UGT2B17: variants seen among roughly 807,000 people sequenced by gnomAD.
The protein encoded by UGT2B17 is UDP glucuronosyltransferase family 2 member B17.
UGT2B17 carries 21 observed loss-of-function variants against 48.2 expected under a neutral mutation model. The observed-to-expected ratio is 0.44, with a 90% confidence interval of 0.31 to 0.63. The LOEUF is 0.63. Among genes scored for constraint, UGT2B17 ranks in the 20% least tolerant of loss-of-function variants. The probability of loss-of-function intolerance (pLI) is 0.08; values close to 1 mark genes in which losing one functional copy is unlikely to be tolerated. For synonymous variants in UGT2B17, 146 were observed against 238.4 expected (o/e 0.61, Z 3.57); for missense variants, 402 against 696.1 (o/e 0.58, Z 4.75).
chr4:68,549,460 G>T (rs1431981441), intron 6 of UGT2B17, among the ~76,000 whole-genome samples: 1 of 124,476 alleles, frequency 8.0e-6, no homozygotes, highest in Non-Finnish European at 1.7e-5. Context: ...CCATAATAAG[G>T]TAAATAGAAA....
chr4:68,554,390 C>A (rs1464034400), intron 4 of UGT2B17, among the ~76,000 whole-genome samples: 2 of 125,530 alleles, frequency 1.6e-5, no homozygotes, highest in African/African-American at 5.4e-5. Context: ...CATTAAGAGC[C>A]CTAAGGTTGT....
rs1254805013 is a variant in UGT2B17, at chr4:68,561,871, T to C, written c.874-1203A>G. On this transcript the variant is annotated intron_variant, in intron 3 of 6. Transcript: ENST00000317746. ...TTTCCCGGATATCATATCAAAATTG[T>C]ATACTCATCTTTTTGTTGCTATTGT... Among the ~76,000 whole-genome samples, 2 of 123,110 alleles carry C rather than the reference T, an allele frequency of 1.6e-5. 1 individual carries two copies. The highest frequency in any genetic ancestry group is 3.4e-5 in the Non-Finnish European group (2 of 58,770). 80.8% of individuals were successfully genotyped at this position (123,110 alleles called of 152,430 possible). A position where few individuals can be genotyped will look rare whatever the true frequency, so the allele number is the denominator to read the frequency against.
In UGT2B17 at chr4:68,558,375, C is replaced by T. The variant is rs1449453951; in HGVS notation, c.1005+2162G>A. Among the ~76,000 whole-genome samples the T allele has an allele frequency of 1.6e-5, 2 of 125,284 alleles. 1 individual carries two copies. The highest frequency in any genetic ancestry group is 3.4e-5 in the Non-Finnish European group (2 of 59,040). The allele number at this position is 125,284 out of a possible 152,430, so 82.2% of individuals were successfully genotyped here. ...TTTTTCCTCCCCTTCCACAATTTTT[C>T]CTAATTTGGAGTCACTGTAAACTAA... On this transcript the variant is annotated intron_variant, in intron 4 of 6. Coordinates refer to ENST00000317746, the MANE Select transcript of UGT2B17 (RefSeq NM_001077.4).
intron 2 of UGT2B17, among the ~76,000 whole-genome samples, chr4:68,567,219 G>A (rs1359794723): frequency 8.0e-6 from 1 of 124,796 alleles, no homozygotes; most frequent in Non-Finnish European, 1.7e-5. Context: ...GTTATTGAAG[G>A]AATGTATAAA....
rs1423147362 is a variant in UGT2B17 at position 68,545,705 on chromosome 4, C to A, written c.1313+4972G>T. 2.2e-4 allele frequency among the ~76,000 whole-genome samples: 27 copies of A among 124,728 alleles called. 6 individuals carry two copies. Among genetic ancestry groups the A allele is most frequent in the Admixed American group, 1.2e-3 (14 of 12,126 alleles). 81.8% of individuals were successfully genotyped at this position (124,728 alleles called of 152,430 possible). ...AGACTAATAAAGAAGAAAAGAGAGA[C>A]GAATCAAATAGATGGAATAAAAATG... On this transcript the variant is annotated intron_variant, in intron 6 of 6. Coordinates refer to ENST00000317746, the MANE Select transcript of UGT2B17 (RefSeq NM_001077.4).
chr4:68,568,338 C>T lies in UGT2B17; in HGVS notation c.147G>A (p.Arg49=), dbSNP rs1457876945. 1 of 1,380,582 alleles carries T rather than the reference C, an allele frequency of 7.2e-7. No individual in the cohort carries two copies. The allele number at this position is 1,380,582 out of a possible 1,614,324, so 85.5% of individuals were successfully genotyped here. The change falls in exon 2 of 7, where the codon AGG becomes AGA. Residue 49 remains arginine (R), a synonymous_variant. Coordinates refer to ENST00000317746, the MANE Select transcript of UGT2B17 (RefSeq NM_001077.4). ...ATGTCAACACAATCACCTCATGACC[C>T]CTCTGAACAAGCTCTTCCAGGATTG... The part of the protein sequence containing the change: ...MKTILEELVQ[R]GHEVIVLTSS...
intron 3 of UGT2B17, 28 bp downstream of exon 3, chr4:68,565,544 C>A: frequency 7.4e-7 from 1 of 1,343,248 alleles, no homozygotes; most frequent in Admixed American, 2.2e-5. Flanking sequence ...AAATGTCAAG[C>A]AAACAAATGA....
At position 68,569,523 on chromosome 4, in the gene UGT2B17, G is replaced by C. The variant is rs1161289380; in HGVS notation, c.-64-975C>G. ...TGGCACCACAGTGATCCTTTAGGAG[G>C]GTGGCCAGCGGAGCAGGGGGTTCAA... On this transcript the variant is annotated intron_variant, in intron 1 of 6. Transcript: ENST00000317746. 1.6e-5 allele frequency among the ~76,000 whole-genome samples: 2 copies of C among 125,466 alleles called. 1 individual carries two copies. The highest frequency in any genetic ancestry group is 3.4e-5 in the Non-Finnish European group (2 of 59,340). The allele number at this position is 125,466 out of a possible 152,430, so 82.3% of individuals were successfully genotyped here.
In UGT2B17 at chr4:68,543,584, A is replaced by T. The variant is rs1363212749; in HGVS notation, c.1314-5680T>A. On this transcript the variant is annotated intron_variant, in intron 6 of 6. Coordinates refer to ENST00000317746, the MANE Select transcript of UGT2B17 (RefSeq NM_001077.4). ...AGCAATGGAACAAAGCTGGATGGAG[A>T]ATGACTTTGACGAGTTCAGAGAAGA... is the stretch of plus-strand genomic sequence containing the variant. Among the ~76,000 whole-genome samples the T allele has an allele frequency of 4.8e-5, 6 of 126,022 alleles. 1 individual carries two copies. Among genetic ancestry groups the T allele is most frequent in the Admixed American group, 8.2e-5 (1 of 12,226 alleles). The allele number at this position is 126,022 out of a possible 152,430, so 82.7% of individuals were successfully genotyped here.
At position 68,545,622 on chromosome 4, in the gene UGT2B17, C is replaced by T. The variant is rs567848067; in HGVS notation, c.1313+5055G>A. On this transcript the variant is annotated intron_variant, in intron 6 of 6. Coordinates refer to ENST00000317746, the MANE Select transcript of UGT2B17 (RefSeq NM_001077.4). The stretch of plus-strand genomic sequence containing the variant: ...AGACACAAAAAACTCTTCAAAAAAT[C>T]AATGAATCCAAGAGCTGGTTTTTTG... 3.2e-5 allele frequency among the ~76,000 whole-genome samples: 4 copies of T among 125,258 alleles called. 1 individual carries two copies. The highest frequency in any genetic ancestry group is 2.4e-4 in the Admixed American group (3 of 12,310). 82.2% of individuals were successfully genotyped at this position (125,258 alleles called of 152,430 possible).
rs540731399 is a variant in UGT2B17 at position 68,573,123 on chromosome 4, T to A, written c.-65+2828A>T. Among the ~76,000 whole-genome samples, 84 of 127,718 alleles carry A rather than the reference T, an allele frequency of 6.6e-4. 18 individuals carry two copies. Among genetic ancestry groups the A allele is most frequent in the Middle Eastern group, 3.9e-3 (1 of 256 alleles). The allele number at this position is 127,718 out of a possible 152,430, so 83.8% of individuals were successfully genotyped here. On this transcript the variant is annotated intron_variant, in intron 1 of 6. Coordinates refer to ENST00000317746, the MANE Select transcript of UGT2B17 (RefSeq NM_001077.4). ...CCACAGCATGGGGAGACTTTATGTT[T>A]AGGTTTTTCCTAAGAGTTAGCTTAT...
At position 68,552,838 on chromosome 4, in the gene UGT2B17, G is replaced by GT. The variant is rs1374347420; in HGVS notation, c.1006-928dup. Reference sequence around the variant, plus strand: ...TTTGCTGTACAACTCCTTTTTTTTTGTTTTTTATTTTTTTTTGGAGTTTTA... The same window carrying GT: ...TTTGCTGTACAACTCCTTTTTTTTTGTTTTTTTATTTTTTTTTGGAGTTTTA... On this transcript the variant is annotated intron_variant, in intron 4 of 6. Coordinates refer to ENST00000317746, the MANE Select transcript of UGT2B17 (RefSeq NM_001077.4). 6.5e-5 allele frequency among the ~76,000 whole-genome samples: 8 copies of GT among 123,672 alleles called. 1 individual carries two copies. The highest frequency in any genetic ancestry group is 1.7e-4 in the African/African-American group (6 of 36,252). 81.1% of individuals were successfully genotyped at this position (123,672 alleles called of 152,430 possible).
At chr4:68,552,782 C>T (rs1730939290) in intron 4 of UGT2B17, among the ~76,000 whole-genome samples, 1 of 125,486 alleles carries the variant, frequency 8.0e-6, no homozygotes, top group Non-Finnish European at 1.7e-5. Flanking sequence ...ATCCCTGATA[C>T]CCCAAAATTC....
rs1731034072 is a variant in UGT2B17 at position 68,558,061 on chromosome 4, A to G, written c.1005+2476T>C. ...CTATCTGAGATTCTTTCTATAAGAC[A>G]AAGTTCCATCAAAGCCACTTTAAAA... On this transcript the variant is annotated intron_variant, in intron 4 of 6. Coordinates refer to ENST00000317746, the MANE Select transcript of UGT2B17 (RefSeq NM_001077.4). 1.6e-5 allele frequency among the ~76,000 whole-genome samples: 2 copies of G among 124,286 alleles called. 1 individual carries two copies. Among genetic ancestry groups the G allele is most frequent in the Admixed American group, 1.7e-4 (2 of 11,944 alleles). The allele number at this position is 124,286 out of a possible 152,430, so 81.5% of individuals were successfully genotyped here.
chr4:68,558,689 A>G (rs1731049049), intron 4 of UGT2B17, among the ~76,000 whole-genome samples: 1 of 126,098 alleles, frequency 7.9e-6, no homozygotes, highest in African/African-American at 2.7e-5. Context: ...TTGCCATTAG[A>G]GATCAGATGA....
Position 68,568,308 on chromosome 4 carries a change from C to T in UGT2B17, c.177G>A (p.Ser59=), listed in dbSNP as rs776708507. ...TACTGGCATTGACAAGAATAGAAGC[C>T]GAAGATGTCAACACAATCACCTCAT... ...RGHEVIVLTS[S]ASILVNASKS... The change falls in exon 2 of 7, where the codon TCG becomes TCA. Residue 59 remains serine (S), a synonymous_variant. Transcript: ENST00000317746. The T allele has an allele frequency of 1.5e-5, 20 of 1,377,806 alleles. 5 individuals are homozygous for T. The highest frequency in any genetic ancestry group is 6.5e-5 in the South Asian group (4 of 61,220). The allele number at this position is 1,377,806 out of a possible 1,614,324, so 85.3% of individuals were successfully genotyped here. A position where few individuals can be genotyped will look rare whatever the true frequency, so the allele number is the denominator to read the frequency against.
Position 68,568,243 on chromosome 4 carries a change from A to T in UGT2B17, c.242T>A (p.Leu81Ter). ...AAAATCTTCCAAATCATTTTTAGTT[A>T]AAGATGTAGGATAAACTTCTAATTT... ...AIKLEVYPTS[L>*]TKNDLEDFFM... The change falls in exon 2 of 7, where the codon TTA becomes TAA. Residue 81 changes from leucine (L) to a stop codon, truncating the protein, a stop_gained. Transcript: ENST00000317746. LOFTEE classifies it high-confidence loss of function. 4 of 1,375,280 alleles carry T rather than the reference A, an allele frequency of 2.9e-6. 1 individual carries two copies. Among genetic ancestry groups the T allele is most frequent in the Non-Finnish European group, 3.8e-6 (4 of 1,053,726 alleles). 85.2% of individuals were successfully genotyped at this position (1,375,280 alleles called of 1,614,324 possible).
rs766238186 is a variant in UGT2B17, at chr4:68,540,314, G to C, written c.1314-2410C>G. Among the ~76,000 whole-genome samples the C allele has an allele frequency of 4.0e-5, 5 of 126,528 alleles. 1 individual carries two copies. The highest frequency in any genetic ancestry group is 8.4e-5 in the Non-Finnish European group (5 of 59,548). The allele number at this position is 126,528 out of a possible 152,430, so 83.0% of individuals were successfully genotyped here. A position where few individuals can be genotyped will look rare whatever the true frequency, so the allele number is the denominator to read the frequency against. ...TCTGTTTAAATTTAATGCGAGTACT[G>C]GTAGGTTCACTTTTTTGTTGTGATC... On this transcript the variant is annotated intron_variant, in intron 6 of 6. Coordinates refer to ENST00000317746, the MANE Select transcript of UGT2B17 (RefSeq NM_001077.4).
chr4:68,569,689 C>A (rs1731269657), intron 1 of UGT2B17, among the ~76,000 whole-genome samples: 1 of 125,818 alleles, frequency 7.9e-6, no homozygotes, highest in Admixed American at 8.1e-5. Context: ...CCAGAAGACA[C>A]CTACCCTGGC....
Sources: allele counts gnomAD v4.1 joint callset (sites outside exome capture counted in the v4.1 genomes callset), GRCh38; gene constraint gnomAD v4.1.1; transcripts MANE v1.5; gene names NCBI Gene and HGNC (gene_info 2026-07-23, HGNC 2026-07-21).